The following CYP7B1 variants were observed in gnomAD, a reference collection of about 807,000 sequenced individuals.
The protein encoded by CYP7B1 is cytochrome P450 7B1.
A neutral mutation model predicts 42.7 loss-of-function variants in CYP7B1; 29 were observed. The observed-to-expected ratio is 0.68, with a 90% CI of 0.51 to 0.93. The LOEUF is 0.93. Ranked by LOEUF, CYP7B1 falls within the 40% of genes least tolerant of loss-of-function variation. CYP7B1 has a pLI of 0.00. For synonymous variants in CYP7B1, 235 were observed against 218.2 expected, an observed-to-expected ratio of 1.08 and a Z score of -0.68; for missense variants, 655 against 600.5, an observed-to-expected ratio of 1.09 and a Z score of -0.95.
At chr8:64,739,954 G>A (rs182454899) in intron 1 of CYP7B1, among the ~76,000 whole-genome samples, 22 of 152,024 alleles carry the variant, frequency 1.4e-4, no homozygotes, top group Non-Finnish European at 3.1e-4. Flanking sequence ...GAGATATATA[G>A]AGACCTTTTT....
At chr8:64,795,913 G>GT (rs1219637638) in intron 1 of CYP7B1, among the ~76,000 whole-genome samples, 14 of 152,190 alleles carry the variant, frequency 9.2e-5, no homozygotes, top group Non-Finnish European at 2.1e-4. Flanking sequence ...GGTGGAATTG[G>GT]TAAGTGTCTG....
intron 1 of CYP7B1, among the ~76,000 whole-genome samples, chr8:64,782,098 G>A (rs1804434541): frequency 1.3e-5 from 2 of 151,962 alleles, no homozygotes; most frequent in Non-Finnish European, 2.9e-5. Context: ...CTGAATTTTG[G>A]ATCCATGTTC....
At chr8:64,624,046 C>A (rs1305461721) in intron 2 of CYP7B1, among the ~76,000 whole-genome samples, 1 of 151,946 alleles carries the variant, frequency 6.6e-6, no homozygotes, top group African/African-American at 2.4e-5. Context: ...TTTCTGTAAA[C>A]CTAAAACTCC....
intron 1 of CYP7B1, among the ~76,000 whole-genome samples, chr8:64,772,764 A>C (rs1477305290): frequency 2.0e-5 from 3 of 152,192 alleles, no homozygotes; most frequent in African/African-American, 7.2e-5. Context: ...ATTAGGAATA[A>C]AAATCAAGCC....
chr8:64,786,054 A>T (rs1382392047), intron 1 of CYP7B1, among the ~76,000 whole-genome samples: 1 of 152,116 alleles, frequency 6.6e-6, no homozygotes, highest in Non-Finnish European at 1.5e-5. Context: ...AACCCCCATG[A>T]TCCAATCACT....
intron 1 of CYP7B1, among the ~76,000 whole-genome samples, chr8:64,681,826 G>T (rs1439658932): frequency 6.6e-6 from 1 of 152,104 alleles, no homozygotes; most frequent in Non-Finnish European, 1.5e-5. Flanking sequence ...CAGATTCTCG[G>T]ACCTCAGAAA....
In CYP7B1 at chr8:64,615,867, T is replaced by C. The variant is rs1458734964; in HGVS notation, c.674A>G (p.Tyr225Cys). 6.2e-7 allele frequency: 1 copy of C among 1,613,750 alleles called. No individual in the cohort carries two copies. Among genetic ancestry groups the C allele is most frequent in the Non-Finnish European group, 8.5e-7 (1 of 1,179,760 alleles). ...CTCAATGGGTATGTTGGATACTAAATATGCAAACTTGTCATCAAATTTTAA... is the reference window on the plus strand; with the variant it reads ...CTCAATGGGTATGTTGGATACTAAACATGCAAACTTGTCATCAAATTTTAA... ...DFLKFDDKFA[Y>C]LVSNIPIELL... The change falls in exon 3 of 6, where the codon TAT becomes TGT. Residue 225 changes from tyrosine (Y) to cysteine (C), a missense_variant. By Grantham distance (194) the Tyr-to-Cys change is radical (BLOSUM62 -2). Coordinates refer to ENST00000310193, the MANE Select transcript of CYP7B1 (RefSeq NM_004820.5).
At chr8:64,771,047 C>CTTGTTTTTTTTTTTTTTTTTT (rs1804214455) in intron 1 of CYP7B1, among the ~76,000 whole-genome samples, 1 of 42,486 alleles carries the variant, frequency 2.4e-5, no homozygotes, top group Non-Finnish European at 4.3e-5. Flanking sequence ...ATATCAGCAT[C>CTTGTTTTTTTTTTTTTTTTTT]TTTTTTTTTT....
chr8:64,763,455 G>A (rs1563419425), intron 1 of CYP7B1, among the ~76,000 whole-genome samples: 1 of 152,210 alleles, frequency 6.6e-6, no homozygotes, highest in Non-Finnish European at 1.5e-5. Context: ...AGACCCACTG[G>A]TAACATTTGG....
At chr8:64,628,789 C>A (rs1465863416) in intron 1 of CYP7B1, among the ~76,000 whole-genome samples, 1 of 152,108 alleles carries the variant, frequency 6.6e-6, no homozygotes, top group Non-Finnish European at 1.5e-5. Context: ...AGAAGAGGTA[C>A]TCTGAAATTT....
Position 64,615,184 on chromosome 8 carries a change from GT to G in CYP7B1, c.898del (p.Thr300LeufsTer50). ...AAGATAATACATTGCCCAGAACATAGTTGGAATAGTGTTTGCCACAGAGGCC... is the reference window on the plus strand; with the variant it reads ...AAGATAATACATTGCCCAGAACATAGTGGAATAGTGTTTGCCACAGAGGCC... ...LWASVANTIP[T>X]MFWAMYYLLR... On this transcript the variant is annotated frameshift_variant, in exon 4 of 6. Transcript: ENST00000310193. LOFTEE classifies it high-confidence loss of function. 6.2e-7 allele frequency: 1 copy of G among 1,613,524 alleles called. No individual in the cohort carries two copies. Among genetic ancestry groups the G allele is most frequent in the Non-Finnish European group, 8.5e-7 (1 of 1,179,702 alleles).
chr8:64,775,802 G>T (rs1268351482), intron 1 of CYP7B1, among the ~76,000 whole-genome samples: 4 of 152,084 alleles, frequency 2.6e-5, no homozygotes, highest in African/African-American at 9.7e-5. Flanking sequence ...AAAAGGCATG[G>T]TGTGTTTGAG....
rs538192283 is a variant in CYP7B1 at position 64,657,883 on chromosome 8, A to G, written c.123-33344T>C. ...AGTCCATTCAGTCTGCTATAATGAA[A>G]TACAAAAATGGTGATTTACAAACAA... On this transcript the variant is annotated intron_variant, in intron 1 of 5. Coordinates refer to ENST00000310193, the MANE Select transcript of CYP7B1 (RefSeq NM_004820.5). Among the ~76,000 whole-genome samples the G allele has an allele frequency of 7.9e-5, 12 of 152,324 alleles. 1 individual carries two copies. The South Asian group carries it at 2.5e-3, about 32-fold the overall frequency.
chr8:64,777,586 T>C (rs1804347974), intron 1 of CYP7B1, among the ~76,000 whole-genome samples: 1 of 152,100 alleles, frequency 6.6e-6, no homozygotes, highest in Non-Finnish European at 1.5e-5. Flanking sequence ...CGAATCACAT[T>C]GTCATTACAA....
intron 1 of CYP7B1, among the ~76,000 whole-genome samples, chr8:64,742,042 A>G (rs1263832124): frequency 6.6e-6 from 1 of 152,216 alleles, no homozygotes; most frequent in Admixed American, 6.5e-5. Flanking sequence ...TTTACTGATC[A>G]GATAGATTAA....
At chr8:64,705,406 T>C (rs539082334) in intron 1 of CYP7B1, among the ~76,000 whole-genome samples, 2 of 152,054 alleles carry the variant, frequency 1.3e-5, no homozygotes, top group Non-Finnish European at 2.9e-5. Flanking sequence ...ATAGATGTGT[T>C]AAATAAATGA....
chr8:64,587,786 C>T (rs1156916490), downstream of CYP7B1: 1 of 152,152 alleles, frequency 6.6e-6, no homozygotes, highest in Admixed American at 6.5e-5. Context: ...TACAGAAGTA[C>T]AGATTTGAGA....
At chr8:64,666,530 G>A (rs980059169) in intron 1 of CYP7B1, among the ~76,000 whole-genome samples, 1 of 137,920 alleles carries the variant, frequency 7.3e-6, no homozygotes, top group African/African-American at 2.5e-5. Context: ...GATGAGTAGG[G>A]GTCAGGCTAG....
At chr8:64,738,382 G>T (rs1379223598) in intron 1 of CYP7B1, among the ~76,000 whole-genome samples, 1 of 152,102 alleles carries the variant, frequency 6.6e-6, no homozygotes, top group East Asian at 1.9e-4. Context: ...TCTTCTCAAA[G>T]AAACTACTAG....
Sources: allele counts gnomAD v4.1 joint callset (sites outside exome capture counted in the v4.1 genomes callset), GRCh38; gene constraint gnomAD v4.1.1; transcripts MANE v1.5; gene names NCBI Gene and HGNC (gene_info 2026-07-23, HGNC 2026-07-21).